DPP6: variants seen among roughly 807,000 people sequenced by gnomAD.
DPP6 encodes the protein dipeptidyl peptidase like 6.
In DPP6, 69 loss-of-function variants were observed where a neutral mutation model predicts 122.6. The observed-to-expected ratio is 0.56, with a 90% CI of 0.46 to 0.69. The LOEUF (loss-of-function observed/expected upper bound fraction) is 0.69. Among genes scored for constraint, DPP6 ranks in the 30% least tolerant of loss-of-function variants. The pLI, the probability that DPP6 is intolerant of heterozygous loss-of-function variation, is 0.00. For synonymous variants in DPP6, 418 were observed against 433.1 expected, an observed-to-expected ratio of 0.97 and a Z score of 0.43; for missense variants, 928 against 1,116.9, an observed-to-expected ratio of 0.83 and a Z score of 2.41.
At chr7:154,128,652 G>A (rs1808124449) in intron 1 of DPP6, among the ~76,000 whole-genome samples, 1 of 152,106 alleles carries the variant, frequency 6.6e-6, no homozygotes, top group African/African-American at 2.4e-5. Flanking sequence ...GCCTCCCAAA[G>A]TGCTGGGATT....
intron 1 of DPP6, among the ~76,000 whole-genome samples, chr7:154,219,152 T>G (rs558213499): frequency 3.3e-5 from 5 of 152,180 alleles, no homozygotes; most frequent in Non-Finnish European, 7.3e-5. Flanking sequence ...AAATTCTCAG[T>G]TTAGCATGAT....
intron 1 of DPP6, among the ~76,000 whole-genome samples, chr7:154,218,489 A>G (rs1186626731): frequency 3.9e-5 from 6 of 152,176 alleles, no homozygotes; most frequent in Admixed American, 3.3e-4. Context: ...GGGAATGTGA[A>G]TTATTCATAG....
At chr7:154,441,671 G>A (rs1415440949) in intron 1 of DPP6, among the ~76,000 whole-genome samples, 1 of 152,142 alleles carries the variant, frequency 6.6e-6, no homozygotes, top group Non-Finnish European at 1.5e-5. Flanking sequence ...CTGACAGAGA[G>A]GCGTGGGCTC....
intron 3 of DPP6, among the ~76,000 whole-genome samples, chr7:154,479,570 A>AAAAAGAAAAG (rs1554563519): frequency 1.5e-4 from 15 of 101,620 alleles, no homozygotes; most frequent in African/African-American, 4.8e-4. Context: ...AAAAAAAAAA[A>AAAAAGAAAAG]AAAAGAAAAG....
At chr7:154,591,636 G>T (rs1325363096) in intron 5 of DPP6, among the ~76,000 whole-genome samples, 1 of 152,146 alleles carries the variant, frequency 6.6e-6, no homozygotes, top group Non-Finnish European at 1.5e-5. Flanking sequence ...TGCATGCTGG[G>T]AGTGAAACTA....
chr7:154,707,504 A>T (rs60105944), intron 7 of DPP6, among the ~76,000 whole-genome samples: 1 of 152,318 alleles, frequency 6.6e-6, no homozygotes, highest in African/African-American at 2.4e-5. Flanking sequence ...AGTTATAGCC[A>T]TTGCAAAAAT....
intron 7 of DPP6, among the ~76,000 whole-genome samples, chr7:154,697,461 G>T (rs1840285266): frequency 1.3e-5 from 2 of 152,222 alleles, no homozygotes; most frequent in Non-Finnish European, 2.9e-5. Context: ...ATCCTGCACA[G>T]CCCCTTGGCT....
intron 1 of DPP6, among the ~76,000 whole-genome samples, chr7:154,232,496 A>T (rs528691105): frequency 6.6e-6 from 1 of 152,336 alleles, no homozygotes; most frequent in Non-Finnish European, 1.5e-5. Context: ...AATGGTGTTA[A>T]GGGCATCTTG....
chr7:154,180,357 T>C (rs1798010541), intron 1 of DPP6, among the ~76,000 whole-genome samples: 1 of 147,506 alleles, frequency 6.8e-6, no homozygotes, highest in Non-Finnish European at 1.5e-5. Flanking sequence ...GATAGATAGA[T>C]AGATTCTCTC....
At chr7:153,958,238 C>T (rs949313031) in intron 1 of DPP6, among the ~76,000 whole-genome samples, 2 of 152,168 alleles carry the variant, frequency 1.3e-5, no homozygotes, top group Non-Finnish European at 2.9e-5. Flanking sequence ...CTTCTGTTTT[C>T]CTGTGTAAGA....
At chr7:154,125,620 A>G (rs10248489) in intron 1 of DPP6, among the ~76,000 whole-genome samples, 7,523 of 152,216 alleles carry the variant, frequency 0.049, 603 homozygotes, top group African/African-American at 0.17. Flanking sequence ...TTATTTTATC[A>G]GTGCACAAAA....
chr7:154,717,287 A>G (rs994502847), intron 7 of DPP6, among the ~76,000 whole-genome samples: 2 of 152,188 alleles, frequency 1.3e-5, no homozygotes, highest in African/African-American at 2.4e-5. Flanking sequence ...ATTGTTAACC[A>G]TTATTACCCA....
chr7:154,304,060 C>G (rs1035265785), intron 1 of DPP6, among the ~76,000 whole-genome samples: 4 of 152,214 alleles, frequency 2.6e-5, no homozygotes, highest in African/African-American at 9.6e-5. Flanking sequence ...ACTAGAGTGA[C>G]TGATTCAGGC....
the DPP6 span, among the ~76,000 whole-genome samples, chr7:153,815,077 C>A: frequency 6.6e-6 from 1 of 152,198 alleles, no homozygotes; most frequent in South Asian, 2.1e-4. Context: ...CTCACCACTC[C>A]TATTCAACAT....
intron 8 of DPP6, among the ~76,000 whole-genome samples, chr7:154,746,102 T>C (rs1843024946): frequency 6.6e-6 from 1 of 152,190 alleles, no homozygotes; most frequent in Non-Finnish European, 1.5e-5. Context: ...GTTCAGGGTA[T>C]ACATGAGTCT....
At chr7:154,071,558 C>G (rs568149330) in intron 1 of DPP6, among the ~76,000 whole-genome samples, 1 of 152,142 alleles carries the variant, frequency 6.6e-6, no homozygotes, top group Non-Finnish European at 1.5e-5. Context: ...TCCAAACATA[C>G]GGAAAAGTGG....
intron 1 of DPP6, among the ~76,000 whole-genome samples, chr7:154,192,712 C>G (rs1798674241): frequency 1.3e-5 from 2 of 152,208 alleles, no homozygotes; most frequent in South Asian, 4.1e-4. Flanking sequence ...CAAATGAATT[C>G]TAAGTGAAGA....
chr7:153,979,389 T>C (rs560159014), intron 1 of DPP6, among the ~76,000 whole-genome samples: 1 of 152,392 alleles, frequency 6.6e-6, no homozygotes, highest in African/African-American at 2.4e-5. Flanking sequence ...TTTTGCACAT[T>C]GATTTTTGTA....
rs762919300 is a variant in DPP6, at chr7:154,833,116, G to A, written c.1667-20664G>A. On this transcript the variant is annotated intron_variant, in intron 16 of 25. Coordinates refer to ENST00000377770, the MANE Select transcript of DPP6 (RefSeq NM_130797.4). This position sits in a 1 kb window ranked among gnomAD's most constrained non-coding sequence, Gnocchi z 4.3. The stretch of plus-strand genomic sequence containing the variant: ...CCAAGCTTGGGGAAGGGACTAGCAC[G>A]TGCTGAGACCTCTGCTAAGTGGAGG... Among the ~76,000 whole-genome samples the A allele has an allele frequency of 9.2e-5, 14 of 152,190 alleles. No homozygotes were observed. Among genetic ancestry groups the A allele is most frequent in the Non-Finnish European group, 1.8e-4 (12 of 68,042 alleles).
Sources: allele counts gnomAD v4.1 joint callset (sites outside exome capture counted in the v4.1 genomes callset), GRCh38; gene constraint gnomAD v4.1.1; non-coding constraint Gnocchi (gnomAD v3.1); transcripts MANE v1.5; gene names NCBI Gene and HGNC (gene_info 2026-07-23, HGNC 2026-07-21).